SLC38A5: variants seen among roughly 807,000 people sequenced by gnomAD.
SLC38A5 encodes sodium-coupled neutral amino acid transporter 5.
Under a neutral mutation model 34.6 loss-of-function variants are expected in SLC38A5, and 9 were observed. The ratio of observed to expected loss-of-function variants is 0.26; its 90% CI spans 0.16 to 0.45. The LOEUF (loss-of-function observed/expected upper bound fraction) is 0.45. SLC38A5 is among the 20% of genes least tolerant of loss of function. The pLI is 1.00. For synonymous variants in SLC38A5, 157 were observed against 155.6 expected, an observed-to-expected ratio of 1.01 and a Z score of -0.07; for missense variants, 253 against 394.7, an observed-to-expected ratio of 0.64 and a Z score of 3.04.
chrX:48,462,916 C>T lies in SLC38A5; in HGVS notation c.556G>A (p.Ala186Thr). Residue 186 changes from alanine (A) to threonine (T), a missense_variant, in exon 9 of 17, where the codon GCC becomes ACC. This residue lies in a region of SLC38A5 where 176 missense variants were observed against 273.0 expected (regional missense o/e 0.64). Coordinates refer to ENST00000620913, the MANE Select transcript of SLC38A5 (RefSeq NM_033518.4). ...IVSVLIILPL[A>T]LMKHLGYLGY... ...CTCTTACCCAAGTGTTTCATGAGGGCGAGGGGCAGGATGATTAACACACTG... is the reference window on the plus strand; with the variant it reads ...CTCTTACCCAAGTGTTTCATGAGGGTGAGGGGCAGGATGATTAACACACTG... 3 of 1,208,091 alleles carry T rather than the reference C, an allele frequency of 2.5e-6. No individual in the cohort carries two copies. The highest frequency in any genetic ancestry group is 2.2e-6 in the Non-Finnish European group (2 of 893,774).
At position 48,459,039 on chromosome X, in the gene SLC38A5, G is replaced by A; in HGVS notation, c.1318-5C>T. The stretch of plus-strand genomic sequence containing the variant: ...CAGGACTCCAAAGCACAGGGCCTGT[G>A]GGCCAGAGAGACAAGATGGGGCTGG... On this transcript the variant is annotated splice_polypyrimidine_tract_variant and splice_region_variant and intron_variant, in intron 16 of 16. Coordinates refer to ENST00000620913, the MANE Select transcript of SLC38A5 (RefSeq NM_033518.4). The A allele has an allele frequency of 2.5e-6, 3 of 1,181,925 alleles. No individual in the cohort carries two copies. Among genetic ancestry groups the A allele is most frequent in the Non-Finnish European group, 3.4e-6 (3 of 879,961 alleles).
At chrX:48,467,536 T>G (rs1030127617) in intron 4 of SLC38A5, 174 bp downstream of exon 4, 32 of 471,068 alleles carry the variant, frequency 6.8e-5, no homozygotes, top group Non-Finnish European at 1.1e-4. Context: ...AAAGGGCATA[T>G]CTGGGGAAGA....
chrX:48,462,033 C>A lies in SLC38A5; in HGVS notation c.745G>T (p.Ala249Ser). Residue 249 changes from alanine (A) to serine (S), a missense_variant, in exon 11 of 17, where the codon GCC (alanine) becomes TCC (serine). Physicochemically the swap from Ala to Ser is moderately conservative, Grantham distance 99 (BLOSUM62 1). This residue lies in a region of SLC38A5 where 176 missense variants were observed against 273.0 expected (regional missense o/e 0.64). Coordinates refer to ENST00000620913, the MANE Select transcript of SLC38A5 (RefSeq NM_033518.4). ...PSQGLNSSCE[A>S]QMFTVDSQMS... is the part of the protein sequence containing the mutation. ...TGTGAGTCAACTGTGAACATCTGGG[C>A]CTCACAGCTGCTGTTGAGTCCTTGG... 8.7e-7 allele frequency: 1 copy of A among 1,154,903 alleles called. No individual in the cohort carries two copies. Among genetic ancestry groups the A allele is most frequent in the Non-Finnish European group, 1.2e-6 (1 of 866,693 alleles).
chrX:48,461,168 A>C, intron 12 of SLC38A5, 82 bp from the exon 13 acceptor site: 1 of 822,348 alleles, frequency 1.2e-6, no homozygotes, highest in Non-Finnish European at 1.8e-6. Flanking sequence ...TCCACCCTCC[A>C]GAGTCCCCTT....
Position 48,468,236 on chromosome X carries a change from C to T in SLC38A5, c.-1-311G>A, listed in dbSNP as rs886085733. 3.7e-5 allele frequency: 36 copies of T among 960,065 alleles called. 1 individual carries two copies. The Admixed American group carries it at 6.7e-4, about 18-fold the overall frequency. 79.1% of individuals were successfully genotyped at this position (960,065 alleles called of 1,213,427 possible). A position where few individuals can be genotyped will look rare whatever the true frequency, so the allele number is the denominator to read the frequency against. ...AGAGACAGAAAGCTACAGAGAGAGC[C>T]GGACCCCAGCGCAGATGAGCCGACC... is the stretch of plus-strand genomic sequence containing the variant. On this transcript the variant is annotated intron_variant, in intron 2 of 16. Coordinates refer to ENST00000620913, the MANE Select transcript of SLC38A5 (RefSeq NM_033518.4).
rs1356847719 is a variant in SLC38A5, at chrX:48,468,597, T to C, written c.-1-672A>G. The C allele has an allele frequency of 1.6e-5, 3 of 189,975 alleles. No individual in the cohort carries two copies. The East Asian group carries it at 7.7e-4, about 49-fold the overall frequency. 15.7% of individuals were successfully genotyped at this position (189,975 alleles called of 1,213,427 possible). A position where few individuals can be genotyped will look rare whatever the true frequency, so the allele number is the denominator to read the frequency against. ...CTGCCACGACTCTGAATATCCTCAC[T>C]AGAAGCCAAAGACAAGTGCCCGAAC... On this transcript the variant is annotated intron_variant, in intron 2 of 16. Coordinates refer to ENST00000620913, the MANE Select transcript of SLC38A5 (RefSeq NM_033518.4).
At chrX:48,464,344 T>C (rs1344687356) in intron 8 of SLC38A5, among the ~76,000 whole-genome samples, 1 of 112,767 alleles carries the variant, frequency 8.9e-6, no homozygotes, top group Non-Finnish European at 1.9e-5. Context: ...ACATGGTCTC[T>C]TTCTATCTCA....
Position 48,462,216 on chromosome X carries a change from G to T in SLC38A5, c.633+17C>A, listed in dbSNP as rs782711235. On this transcript the variant is annotated intron_variant, in intron 10 of 16. Coordinates refer to ENST00000620913, the MANE Select transcript of SLC38A5 (RefSeq NM_033518.4). Reference sequence around the variant, plus strand: ...TCCCAATGTCCCAAACTCTCTCCCCGCTTCTCTGTGACTCACCGAAACAAG... The same window carrying T: ...TCCCAATGTCCCAAACTCTCTCCCCTCTTCTCTGTGACTCACCGAAACAAG... 27 of 1,209,323 alleles carry T rather than the reference G, an allele frequency of 2.2e-5. No individual in the cohort carries two copies. Among genetic ancestry groups the T allele is most frequent in the Non-Finnish European group, 3.0e-5 (27 of 894,931 alleles).
At chrX:48,459,926 C>G (rs368211659) in intron 14 of SLC38A5, 50 bp from the exon 15 acceptor site, 20 of 1,166,861 alleles carry the variant, frequency 1.7e-5, no homozygotes, top group South Asian at 1.4e-4. Flanking sequence ...GTGCTGCCCC[C>G]CTTCCACGTG....
chrX:48,468,166 G>C (rs782019374), intron 2 of SLC38A5: 1 of 1,021,403 alleles, frequency 9.8e-7, no homozygotes, highest in African/African-American at 1.9e-5. Context: ...TAGTTACTCA[G>C]AGAGACACAG....
chrX:48,463,899 G>GAAAGAA (rs1276720305), intron 8 of SLC38A5, among the ~76,000 whole-genome samples: 1 of 107,380 alleles, frequency 9.3e-6, no homozygotes, highest in African/African-American at 3.4e-5. Context: ...AAGAAAGAAA[G>GAAAGAA]AAAGAAAGAA....
rs782514354 is a variant in SLC38A5, at chrX:48,461,689, C to G, written c.851+29G>C. ...GTTACCACCCCACTTGCTGGCCCAT[C>G]ATTCAGGCCCACTTGCCTGCCCACT... On this transcript the variant is annotated intron_variant, in intron 12 of 16. Transcript: ENST00000620913. The G allele has an allele frequency of 4.9e-5, 58 of 1,174,110 alleles. No homozygotes were observed. In the East Asian group the frequency reaches 1.7e-3, roughly 35 times the overall value.
intron 1 of SLC38A5, chrX:48,469,957 C>T (rs1221052933): frequency 8.9e-6 from 1 of 111,753 alleles, no homozygotes; most frequent in African/African-American, 3.3e-5. Flanking sequence ...ACAGGAGACA[C>T]AGGCTGGCCA....
At position 48,458,788 on chromosome X, in the gene SLC38A5, G is replaced by A; in HGVS notation, c.*145C>T. 1.8e-6 allele frequency: 2 copies of A among 1,081,712 alleles called. No homozygotes were observed. The highest frequency in any genetic ancestry group is 2.4e-6 in the Non-Finnish European group (2 of 831,858). 89.1% of individuals were successfully genotyped at this position (1,081,712 alleles called of 1,213,427 possible). A position where few individuals can be genotyped will look rare whatever the true frequency, so the allele number is the denominator to read the frequency against. ...CCCTGGGGAGGAGGGAAGTGGGCCAGTCTGCAGCCTCTGCTGTCCCCCGCC... is the reference window on the plus strand; with the variant it reads ...CCCTGGGGAGGAGGGAAGTGGGCCAATCTGCAGCCTCTGCTGTCCCCCGCC... On this transcript the variant is annotated 3_prime_UTR_variant, in exon 17 of 17. Transcript: ENST00000620913.
chrX:48,468,972 C>T, intron 2 of SLC38A5: 1 of 753,830 alleles, frequency 1.3e-6, no homozygotes, highest in Non-Finnish European at 1.6e-6. Context: ...GAAGAAACCC[C>T]AGCTCCCTCC....
intron 14 of SLC38A5, among the ~76,000 whole-genome samples, chrX:48,460,250 C>T (rs781844281): frequency 9.9e-5 from 11 of 111,047 alleles, no homozygotes; most frequent in Non-Finnish European, 1.1e-4. Flanking sequence ...CCTCCCTCCT[C>T]TGTCTAATTA....
intron 8 of SLC38A5, among the ~76,000 whole-genome samples, chrX:48,463,228 T>C (rs1345417337): frequency 8.9e-6 from 1 of 112,686 alleles, no homozygotes; most frequent in Non-Finnish European, 1.9e-5. Context: ...CATACACAGC[T>C]GGACAAAACT....
rs376599057 is a variant in SLC38A5, at chrX:48,458,904, G to A, written c.*29C>T. On this transcript the variant is annotated 3_prime_UTR_variant, in exon 17 of 17. Coordinates refer to ENST00000620913, the MANE Select transcript of SLC38A5 (RefSeq NM_033518.4). ...GGCCCTGACCCCTCCATGTGCATGC[G>A]CACAGGGACCTGGGCCAGCAGGGCC... is the stretch of plus-strand genomic sequence containing the variant. 148 of 1,165,297 alleles carry A rather than the reference G, an allele frequency of 1.3e-4. No individual in the cohort carries two copies. In the African/African-American group the frequency reaches 1.4e-3, roughly 11 times the overall value.
intron 11 of SLC38A5, 78 bp downstream of exon 11, chrX:48,461,929 A>T: frequency 8.9e-7 from 1 of 1,126,572 alleles, no homozygotes; most frequent in Non-Finnish European, 1.2e-6. Flanking sequence ...ATCCAGCTCC[A>T]CTCTGAGCAG....
Sources: gnomAD v4.1 joint callset for allele counts (sites outside exome capture counted in the v4.1 genomes callset) on GRCh38, gnomAD v4.1.1 for gene constraint, gnomAD v4.1.1 regional missense constraint, MANE v1.5 for transcripts, NCBI Gene and HGNC (gene_info 2026-07-23, HGNC 2026-07-21) for gene names.